STK32B: variants seen among roughly 807,000 people sequenced by gnomAD.
STK32B encodes the protein serine/threonine kinase 32B, also known as serine/threonine-protein kinase 32B.
In STK32B, 43 loss-of-function variants were observed where a neutral mutation model predicts 52.6. That is an observed-to-expected ratio of 0.82 (90% CI 0.64 to 1.05). The LOEUF (loss-of-function observed/expected upper bound fraction) is 1.05, where lower values mean the gene tolerates loss of function less well. STK32B is among the 50% of genes least tolerant of loss of function. STK32B has a pLI of 0.00. For missense variants in STK32B, 621 were observed against 534.6 expected, an observed-to-expected ratio of 1.16 and a Z score of -1.59; for synonymous variants, 238 against 204.3, an observed-to-expected ratio of 1.17 and a Z score of -1.41.
At position 5,323,505 on chromosome 4, in the gene STK32B, T is replaced by C. The variant is rs1329570974; in HGVS notation, c.261-7715T>C. Among the ~76,000 whole-genome samples, 3 of 152,106 alleles carry C rather than the reference T, an allele frequency of 2.0e-5. No homozygotes were observed. In the East Asian group the frequency reaches 5.8e-4, roughly 29 times the overall value. ...GAGACTGGTGAGTCACTCAGGCTAA[T>C]GGGAGTCCCTGGTCTCTGTGACAAG... On this transcript the variant is annotated intron_variant, in intron 3 of 11. Transcript: ENST00000282908.
chr4:5,474,545 T>G (rs1718090719), intron 11 of STK32B, among the ~76,000 whole-genome samples: 1 of 152,204 alleles, frequency 6.6e-6, no homozygotes, highest in African/African-American at 2.4e-5. Flanking sequence ...GAGAAAACCC[T>G]TTGCACTTAG....
chr4:5,404,436 A>C (rs1438633193), intron 5 of STK32B, among the ~76,000 whole-genome samples: 3 of 152,150 alleles, frequency 2.0e-5, no homozygotes, highest in Non-Finnish European at 4.4e-5. Flanking sequence ...ATATGACTTC[A>C]TCATAATGTG....
intron 4 of STK32B, among the ~76,000 whole-genome samples, chr4:5,392,170 C>G (rs1276275407): frequency 6.6e-6 from 1 of 152,216 alleles, no homozygotes; most frequent in Non-Finnish European, 1.5e-5. Flanking sequence ...CATGATGGCT[C>G]ACGCCTGTAA....
In STK32B at chr4:5,400,758, G is replaced by A. The variant is rs947330862; in HGVS notation, c.472+2514G>A. Among the ~76,000 whole-genome samples the A allele has an allele frequency of 6.6e-6, 1 of 152,138 alleles. No homozygotes were observed. The highest frequency in any genetic ancestry group is 2.4e-5 in the African/African-American group (1 of 41,430). ...CCTGCTCTTCTGAGGGGAGCTGATC[G>A]GCTTTTTGAGCAGAGCCTGAAGCTG... On this transcript the variant is annotated intron_variant, in intron 5 of 11. Coordinates refer to ENST00000282908, the MANE Select transcript of STK32B (RefSeq NM_018401.3). This position sits in a 1 kb window ranked among gnomAD's most constrained non-coding sequence, Gnocchi z 6.1.
intron 3 of STK32B, among the ~76,000 whole-genome samples, chr4:5,217,813 A>C (rs901568605): frequency 6.6e-6 from 1 of 152,082 alleles, no homozygotes; most frequent in Admixed American, 6.5e-5. Context: ...GGAAGGAACA[A>C]AAGTGTCAGC....
intron 11 of STK32B, among the ~76,000 whole-genome samples, chr4:5,491,272 A>T (rs1184984834): frequency 1.3e-5 from 2 of 152,120 alleles, no homozygotes; most frequent in Non-Finnish European, 2.9e-5. Context: ...CATTCTAACT[A>T]ACTGGTGTGA....
intron 1 of STK32B, among the ~76,000 whole-genome samples, chr4:5,071,281 A>G (rs1321497038): frequency 6.6e-6 from 1 of 152,188 alleles, no homozygotes; most frequent in South Asian, 2.1e-4. Flanking sequence ...GCAAATGCCC[A>G]TACTATTGGC....
chr4:5,101,584 A>G (rs1263473723), intron 1 of STK32B, among the ~76,000 whole-genome samples: 1 of 152,172 alleles, frequency 6.6e-6, no homozygotes, highest in Non-Finnish European at 1.5e-5. Flanking sequence ...TTCTGATACA[A>G]TAGAAATTTT....
chr4:5,300,847 A>G (rs964767320), intron 3 of STK32B, among the ~76,000 whole-genome samples: 1 of 152,194 alleles, frequency 6.6e-6, no homozygotes. Flanking sequence ...CGATATTGTT[A>G]AAATGTCCAT....
intron 1 of STK32B, chr4:5,126,987 C>A: frequency 2.3e-6 from 1 of 430,460 alleles, no homozygotes; most frequent in South Asian, 1.7e-5. Context: ...TCTATTCCCT[C>A]TCCTTTTGCA....
chr4:5,247,622 A>G (rs1725556117), intron 3 of STK32B, among the ~76,000 whole-genome samples: 1 of 151,970 alleles, frequency 6.6e-6, no homozygotes, highest in African/African-American at 2.4e-5. Context: ...TGAACCCTGT[A>G]CCTCAGTTGG....
chr4:5,321,752 CG>C (rs1560318274), intron 3 of STK32B, among the ~76,000 whole-genome samples: 1 of 152,126 alleles, frequency 6.6e-6, no homozygotes, highest in East Asian at 1.9e-4. Context: ...TCCAGTGGGA[CG>C]GGGGCACCGT....
At chr4:5,458,300 T>TGGAGCTGAGTCTTGC (rs1560431829) in intron 8 of STK32B, among the ~76,000 whole-genome samples, 9 of 151,870 alleles carry the variant, frequency 5.9e-5, no homozygotes, top group African/African-American at 1.9e-4. Context: ...CTGAGTCTTG[T>TGGAGCTGAGTCTTGC]GTGAGGTTGG....
intron 7 of STK32B, among the ~76,000 whole-genome samples, chr4:5,451,437 G>GCCA (rs1224723305): frequency 3.9e-5 from 6 of 152,200 alleles, no homozygotes; most frequent in African/African-American, 1.4e-4. Flanking sequence ...TGTAGGTAAT[G>GCCA]TGGTACTATC....
At chr4:5,338,389 T>C (rs1350873695) in intron 4 of STK32B, among the ~76,000 whole-genome samples, 2 of 152,244 alleles carry the variant, frequency 1.3e-5, no homozygotes, top group Non-Finnish European at 2.9e-5. Flanking sequence ...AGTGCGATGC[T>C]GTACTTCCTA....
intron 2 of STK32B, among the ~76,000 whole-genome samples, chr4:5,157,455 G>A (rs1717950237): frequency 6.6e-6 from 1 of 152,214 alleles, no homozygotes; most frequent in African/African-American, 2.4e-5. Flanking sequence ...GACCTGCAAG[G>A]GTGGGACTGC....
At chr4:5,237,744 C>G (rs768851010) in intron 3 of STK32B, among the ~76,000 whole-genome samples, 4 of 152,252 alleles carry the variant, frequency 2.6e-5, no homozygotes, top group South Asian at 4.2e-4. Flanking sequence ...CAGCCTCCCC[C>G]CATCATGGCC....
intron 4 of STK32B, among the ~76,000 whole-genome samples, chr4:5,393,814 G>T (rs1432155642): frequency 4.6e-5 from 7 of 152,102 alleles, no homozygotes; most frequent in Non-Finnish European, 8.8e-5. Flanking sequence ...CTCACCCAGG[G>T]CAGCGTTCTC....
intron 11 of STK32B, among the ~76,000 whole-genome samples, chr4:5,477,328 A>G (rs1419292445): frequency 6.6e-6 from 1 of 152,122 alleles, no homozygotes; most frequent in Non-Finnish European, 1.5e-5. Context: ...TTCTTATGAA[A>G]AAGCCTTAGA....
Sources: gnomAD v4.1 joint callset for allele counts (sites outside exome capture counted in the v4.1 genomes callset) on GRCh38, gnomAD v4.1.1 for gene constraint, Gnocchi (gnomAD v3.1) non-coding constraint, MANE v1.5 for transcripts, NCBI Gene and HGNC (gene_info 2026-07-23, HGNC 2026-07-21) for gene names.